DRICH1: variants seen among roughly 807,000 people sequenced by gnomAD.
DRICH1 encodes aspartate rich 1.
A neutral mutation model predicts 39.5 loss-of-function variants in DRICH1; 38 were observed. The observed-to-expected ratio is 0.96, with a 90% confidence interval of 0.74 to 1.26. The LOEUF (loss-of-function observed/expected upper bound fraction) is 1.26, where lower values mean the gene tolerates loss of function less well. DRICH1 is among the 50% of genes most tolerant of loss of function. The pLI, the probability that DRICH1 is intolerant of heterozygous loss-of-function variation, is 0.00. For missense variants in DRICH1, 279 were observed against 270.4 expected, an observed-to-expected ratio of 1.03 and a Z score of -0.22; for synonymous variants, 84 against 99.5, an observed-to-expected ratio of 0.84 and a Z score of 0.93.
chr22:23,618,039 G>T (rs1927475808), intron 6 of DRICH1, among the ~76,000 whole-genome samples: 1 of 151,792 alleles, frequency 6.6e-6, no homozygotes, highest in African/African-American at 2.4e-5. Context: ...CTGTTTTAAA[G>T]GATTAATTAC....
downstream of DRICH1, among the ~76,000 whole-genome samples, chr22:23,605,582 A>G (rs1926682138): frequency 6.6e-6 from 1 of 152,006 alleles, no homozygotes; most frequent in Admixed American, 6.5e-5. Flanking sequence ...CTGTGGGGAC[A>G]GCGGCCACCA....
chr22:23,620,334 C>A (rs1225918887), intron 5 of DRICH1, among the ~76,000 whole-genome samples: 1 of 152,092 alleles, frequency 6.6e-6, no homozygotes, highest in East Asian at 1.9e-4. Flanking sequence ...TTTATAACCA[C>A]CAACATCAGG....
Position 23,632,218 on chromosome 22 carries a change from CT to C in DRICH1, c.-196del. 1 of 876,682 alleles carries C rather than the reference CT, an allele frequency of 1.1e-6. No homozygotes were observed. Among genetic ancestry groups the C allele is most frequent in the Non-Finnish European group, 1.7e-6 (1 of 591,518 alleles). The allele number at this position is 876,682 out of a possible 1,614,324, so 54.3% of individuals were successfully genotyped here. The stretch of plus-strand genomic sequence containing the variant: ...GTCTATGAGGTCAGGGACCTGCTGT[CT>C]TCTTTGAAAAATAAACGAACATGAC... On this transcript the variant is annotated 5_prime_UTR_variant, in exon 1 of 12. The change creates a premature stop within an existing upstream ORF in the 5' untranslated region. Coordinates refer to ENST00000317749, the MANE Select transcript of DRICH1 (RefSeq NM_016449.4).
chr22:23,582,658 C>T, the DRICH1 span, among the ~76,000 whole-genome samples: 2,633 of 151,962 alleles, frequency 0.017, 63 homozygotes, highest in Admixed American at 0.069. Flanking sequence ...CTCTGCCTCC[C>T]GGGTTCGAGC....
At chr22:23,595,840 T>C in the DRICH1 span, among the ~76,000 whole-genome samples, 14 of 152,096 alleles carry the variant, frequency 9.2e-5, no homozygotes. Flanking sequence ...TAAAGAGATC[T>C]AGGGAGGAGG....
chr22:23,585,233 G>A, the DRICH1 span, among the ~76,000 whole-genome samples: 9 of 152,210 alleles, frequency 5.9e-5, no homozygotes, highest in South Asian at 1.9e-3. Flanking sequence ...CAACTCTTAG[G>A]CTCAAGCGAT....
chr22:23,614,292 G>T (rs1030684051), intron 8 of DRICH1, 78 bp from the exon 9 acceptor site: 1 of 959,888 alleles, frequency 1.0e-6, no homozygotes. Context: ...GCTGGATGTG[G>T]TGTATGGAGG....
chr22:23,608,965 C>T (rs1926884488), intron 11 of DRICH1, among the ~76,000 whole-genome samples, 197 bp from the exon 12 acceptor site: 1 of 152,212 alleles, frequency 6.6e-6, no homozygotes, highest in African/African-American at 2.4e-5. Flanking sequence ...GGGCCAGGAA[C>T]ACAGCCTATG....
intron 3 of DRICH1, among the ~76,000 whole-genome samples, chr22:23,623,572 A>G (rs1927895000): frequency 6.6e-6 from 1 of 152,236 alleles, no homozygotes; most frequent in Non-Finnish European, 1.5e-5. Flanking sequence ...ACTAACACAC[A>G]ATACTACACA....
At chr22:23,627,915 GC>G (rs1928165626) in intron 1 of DRICH1, among the ~76,000 whole-genome samples, 1 of 152,100 alleles carries the variant, frequency 6.6e-6, no homozygotes, top group Non-Finnish European at 1.5e-5. Flanking sequence ...TCATTACAAT[GC>G]CCATGGGGCC....
At chr22:23,612,115 A>G (rs1927068776) in intron 11 of DRICH1, among the ~76,000 whole-genome samples, 1 of 152,158 alleles carries the variant, frequency 6.6e-6, no homozygotes, top group African/African-American at 2.4e-5. Flanking sequence ...GTGTTATTCC[A>G]AAACCACTGA....
rs1921001345 is a variant in DRICH1, at chr22:23,632,104, AG to A, written c.-82del. The A allele has an allele frequency of 6.3e-7, 1 of 1,580,252 alleles. No homozygotes were observed. Among genetic ancestry groups the A allele is most frequent in the Non-Finnish European group, 8.6e-7 (1 of 1,162,412 alleles). ...TGCTGCCCTAGCAGCCACACTACTG[AG>A]GGTGGCCCTGCACTTTTAGAAGCAG... On this transcript the variant is annotated 5_prime_UTR_variant, in exon 1 of 12. Transcript: ENST00000317749.
At chr22:23,630,313 C>T (rs148458748) in intron 1 of DRICH1, among the ~76,000 whole-genome samples, 109 of 152,242 alleles carry the variant, frequency 7.2e-4, no homozygotes, top group African/African-American at 2.4e-3. Flanking sequence ...AGTGATGACA[C>T]GGTTGAGTAA....
At chr22:23,589,251 G>C in the DRICH1 span, among the ~76,000 whole-genome samples, 1 of 152,210 alleles carries the variant, frequency 6.6e-6, no homozygotes, top group South Asian at 2.1e-4. Context: ...AGGAGTTCAA[G>C]ACCAGCCTGG....
intron 1 of DRICH1, among the ~76,000 whole-genome samples, chr22:23,630,240 A>G (rs1277054434): frequency 2.6e-5 from 4 of 152,184 alleles, no homozygotes; most frequent in Admixed American, 2.0e-4. Context: ...GCCATCCACT[A>G]CCACTACCAG....
chr22:23,612,869 T>G (rs1162818693), intron 11 of DRICH1, among the ~76,000 whole-genome samples: 1 of 152,172 alleles, frequency 6.6e-6, no homozygotes, highest in Non-Finnish European at 1.5e-5. Flanking sequence ...GATTTCCCCT[T>G]GGCACACAGC....
At chr22:23,606,816 C>T (rs1427506822), downstream of DRICH1, among the ~76,000 whole-genome samples, 1 of 152,202 alleles carries the variant, frequency 6.6e-6, no homozygotes, top group Non-Finnish European at 1.5e-5. Flanking sequence ...GGGTCCTCTG[C>T]GCCTGCCCTC....
rs746724877 is a variant in DRICH1 at position 23,617,542 on chromosome 22, A to G, written c.519+33T>C. 6.2e-6 allele frequency: 10 copies of G among 1,610,966 alleles called. No individual in the cohort carries two copies. The East Asian group carries it at 1.6e-4, about 25-fold the overall frequency. On this transcript the variant is annotated intron_variant, in intron 7 of 11. Coordinates refer to ENST00000317749, the MANE Select transcript of DRICH1 (RefSeq NM_016449.4). ...TTGTTTCTCACATCAGAAAACCAAC[A>G]TTTCCTTAGAAGACAAAGAAAGGTT...
At chr22:23,619,915 G>A (rs1393263262) in intron 5 of DRICH1, among the ~76,000 whole-genome samples, 1 of 151,498 alleles carries the variant, frequency 6.6e-6, no homozygotes, top group Non-Finnish European at 1.5e-5. Flanking sequence ...TTTCTCCTAT[G>A]CATCTGGGCA....
Sources: gnomAD v4.1 joint callset for allele counts (sites outside exome capture counted in the v4.1 genomes callset) on GRCh38, gnomAD v4.1.1 for gene constraint, MANE v1.5 for transcripts, NCBI Gene and HGNC (gene_info 2026-07-23, HGNC 2026-07-21) for gene names.